ANKRD13C: variants seen among roughly 807,000 people sequenced by gnomAD.
ANKRD13C encodes ankyrin repeat domain 13C.
ANKRD13C carries 16 observed loss-of-function variants against 65.5 expected under a neutral mutation model. The ratio of observed to expected loss-of-function variants is 0.24; its 90% CI spans 0.17 to 0.37. ANKRD13C has a LOEUF of 0.37. ANKRD13C is among the 10% of genes least tolerant of loss of function. The pLI is 1.00. For synonymous variants in ANKRD13C, 235 were observed against 238.7 expected, an observed-to-expected ratio of 0.98 and a Z score of 0.14; for missense variants, 503 against 655.9, an observed-to-expected ratio of 0.77 and a Z score of 2.55.
chr1:70,268,661 CAAAG>C (rs1678739194), intron 12 of ANKRD13C, among the ~76,000 whole-genome samples: 1 of 151,926 alleles, frequency 6.6e-6, no homozygotes, highest in Non-Finnish European at 1.5e-5. Flanking sequence ...CTTTTTGTAT[CAAAG>C]GAAGTAAAAA....
chr1:70,339,125 G>T (rs1682188565), intron 1 of ANKRD13C, among the ~76,000 whole-genome samples: 1 of 151,182 alleles, frequency 6.6e-6, no homozygotes, highest in African/African-American at 2.4e-5. Context: ...TAGAAGAATC[G>T]CTTGAGTCCG....
chr1:70,349,942 C>A (rs1682678010), intron 1 of ANKRD13C, among the ~76,000 whole-genome samples: 2 of 152,114 alleles, frequency 1.3e-5, no homozygotes, highest in Admixed American at 1.3e-4. Context: ...TCCAGACCAG[C>A]CTGGCCAACA....
chr1:70,273,024 A>C (rs1678962643), intron 11 of ANKRD13C, among the ~76,000 whole-genome samples: 1 of 150,686 alleles, frequency 6.6e-6, no homozygotes, highest in African/African-American at 2.4e-5. Context: ...TAAATAAATA[A>C]AATAATAAAA....
intron 1 of ANKRD13C, among the ~76,000 whole-genome samples, chr1:70,350,880 A>G (rs10889868): frequency 0.24 from 36,969 of 152,064 alleles, 5,002 homozygotes; most frequent in East Asian, 0.39. Context: ...TCTGCTTTGG[A>G]CTTGGCACGG....
intron 3 of ANKRD13C, among the ~76,000 whole-genome samples, chr1:70,322,053 G>A (rs1475895400): frequency 3.3e-5 from 5 of 152,076 alleles, no homozygotes; most frequent in Non-Finnish European, 7.4e-5. Context: ...GGTGGCTCAC[G>A]CCTGTAATCC....
chr1:70,312,685 A>G (rs1455971972), intron 5 of ANKRD13C, among the ~76,000 whole-genome samples: 1 of 151,064 alleles, frequency 6.6e-6, no homozygotes, highest in Non-Finnish European at 1.5e-5. Context: ...AAAAAAAATT[A>G]ATTTAGATGC....
In ANKRD13C at chr1:70,311,474, CAATA is replaced by C. The variant is rs201888390; in HGVS notation, c.709+2267_709+2270del. 1.8e-4 allele frequency among the ~76,000 whole-genome samples: 27 copies of C among 151,872 alleles called. No homozygotes were observed. The East Asian group carries it at 4.8e-3, about 27-fold the overall frequency. ...TGGGTGATAGAGTGAGACTCCCTCT[CAATA>C]AATAAATAAATAAATGTCAACTTGC... On this transcript the variant is annotated intron_variant, in intron 5 of 12. Transcript: ENST00000370944.
At chr1:70,276,660 A>T in intron 10 of ANKRD13C, 105 bp downstream of exon 10, 1 of 935,744 alleles carries the variant, frequency 1.1e-6, no homozygotes, top group Non-Finnish European at 1.6e-6. Context: ...AAAATATACC[A>T]ATAATTCTCT....
At position 70,341,487 on chromosome 1, in the gene ANKRD13C, A is replaced by G. The variant is rs937266493; in HGVS notation, c.431-5388T>C. Among the ~76,000 whole-genome samples the G allele has an allele frequency of 6.0e-5, 9 of 148,972 alleles. No homozygotes were observed. In the Admixed American group the frequency reaches 6.1e-4, roughly 10 times the overall value. On this transcript the variant is annotated intron_variant, in intron 1 of 12. Transcript: ENST00000370944. ...AGCGATTCTCCTGCCTCAGCCTCCC[A>G]AGTAGCTGGGATTACAGGCATGTGC...
chr1:70,352,658 A>G (rs892325165), intron 1 of ANKRD13C, among the ~76,000 whole-genome samples: 3 of 152,242 alleles, frequency 2.0e-5, no homozygotes, highest in African/African-American at 7.2e-5. Flanking sequence ...AACTGAAGCT[A>G]CAACCCATCT....
At chr1:70,276,513 T>G (rs936442505) in intron 10 of ANKRD13C, among the ~76,000 whole-genome samples, 1 of 152,192 alleles carries the variant, frequency 6.6e-6, no homozygotes, top group African/African-American at 2.4e-5. Context: ...TCTTTTAGTT[T>G]TTTAGGTGTG....
intron 1 of ANKRD13C, among the ~76,000 whole-genome samples, chr1:70,352,396 A>C (rs985045671): frequency 6.6e-6 from 1 of 151,896 alleles, no homozygotes; most frequent in South Asian, 2.1e-4. Context: ...CAAGAGTTTA[A>C]GAGTATACAG....
At position 70,270,926 on chromosome 1, in the gene ANKRD13C, G is replaced by C. The variant is rs540147942; in HGVS notation, c.1425C>G (p.Pro475=). The change falls in exon 12 of 13, where the codon CCC becomes CCG. Residue 475 remains proline (P), a synonymous_variant. Coordinates refer to ENST00000370944, the MANE Select transcript of ANKRD13C (RefSeq NM_030816.5). ...CTCTAAGCTTGTTAAAGTGCTTGAA[G>C]GGAGCTACTACTTCTAAAACATTCA... ...LLLNVLEVVA[P]FKHFNKLREF... 1.2e-6 allele frequency: 2 copies of C among 1,612,468 alleles called. No individual in the cohort carries two copies. The highest frequency in any genetic ancestry group is 1.7e-6 in the Non-Finnish European group (2 of 1,178,896).
intron 3 of ANKRD13C, among the ~76,000 whole-genome samples, chr1:70,320,808 T>A (rs75765061): frequency 1.3e-5 from 2 of 151,786 alleles, no homozygotes; most frequent in African/African-American, 4.8e-5. Context: ...TTTTTTTTTT[T>A]AGACAGGGTC....
intron 5 of ANKRD13C, among the ~76,000 whole-genome samples, chr1:70,312,667 CAA>C (rs55916932): frequency 1.4e-4 from 16 of 115,036 alleles, no homozygotes; most frequent in Admixed American, 3.5e-4. Flanking sequence ...ACTCTGTCTC[CAA>C]AAAAAAAAAA....
rs138059234 is a variant in ANKRD13C, at chr1:70,350,966, G to A, written c.430+3013C>T. On this transcript the variant is annotated intron_variant, in intron 1 of 12. Coordinates refer to ENST00000370944, the MANE Select transcript of ANKRD13C (RefSeq NM_030816.5). ...ACCTGAGGCCAGGAGTTTGAGATAG[G>A]CCTGGACAACACGGTGAAACCCAGT... Among the ~76,000 whole-genome samples, 400 of 152,232 alleles carry A rather than the reference G, an allele frequency of 2.6e-3. 2 individuals carry two copies. The highest frequency in any genetic ancestry group is 9.3e-3 in the African/African-American group (386 of 41,532).
chr1:70,336,646 A>C (rs1372563952), intron 1 of ANKRD13C, among the ~76,000 whole-genome samples: 5 of 152,188 alleles, frequency 3.3e-5, no homozygotes, highest in Non-Finnish European at 1.5e-5. Context: ...ATTTGTTAGA[A>C]ATCTGTAGGC....
intron 3 of ANKRD13C, among the ~76,000 whole-genome samples, chr1:70,316,614 A>T (rs1054838374): frequency 6.6e-6 from 1 of 151,900 alleles, no homozygotes; most frequent in African/African-American, 2.4e-5. Context: ...GTTGTGCCCA[A>T]GAGTTTGAGG....
At chr1:70,295,259 A>AT (rs1250085670) in intron 8 of ANKRD13C, among the ~76,000 whole-genome samples, 1 of 151,006 alleles carries the variant, frequency 6.6e-6, no homozygotes, top group African/African-American at 2.4e-5. Context: ...TTATTTATTT[A>AT]TTTTTTTTGA....
Sources: allele counts gnomAD v4.1 joint callset (sites outside exome capture counted in the v4.1 genomes callset), GRCh38; gene constraint gnomAD v4.1.1; transcripts MANE v1.5; gene names NCBI Gene and HGNC (gene_info 2026-07-23, HGNC 2026-07-21).